ZNF483: variants seen among roughly 807,000 people sequenced by gnomAD.
The protein encoded by ZNF483 is zinc finger protein HIT-10.
ZNF483 carries 9 observed loss-of-function variants against 28.6 expected under a neutral mutation model. That is an observed-to-expected ratio of 0.32 (90% CI 0.19 to 0.55). The LOEUF (loss-of-function observed/expected upper bound fraction) is 0.55. Among genes scored for constraint, ZNF483 ranks in the 20% least tolerant of loss-of-function variants. The pLI is 0.93. For missense variants in ZNF483, 675 were observed against 871.7 expected (o/e 0.77, Z 2.84); for synonymous variants, 322 against 306.2 (o/e 1.05, Z -0.54).
chr9:111,560,592 G>A (rs1564607485), intron 5 of ZNF483, among the ~76,000 whole-genome samples: 1 of 122,614 alleles, frequency 8.2e-6, no homozygotes, highest in African/African-American at 3.2e-5. Flanking sequence ...AGTGAGCAGA[G>A]ATCATGCTAC....
At chr9:111,532,173 T>C (rs1434765593) in intron 3 of ZNF483, among the ~76,000 whole-genome samples, 1 of 152,006 alleles carries the variant, frequency 6.6e-6, no homozygotes, top group South Asian at 2.1e-4. Flanking sequence ...TAGCTGGGCA[T>C]AGTCACATAC....
Position 111,554,947 on chromosome 9 carries a change from C to T in ZNF483, c.*11777C>T, listed in dbSNP as rs1247838255. Among the ~76,000 whole-genome samples the T allele has an allele frequency of 1.3e-5, 2 of 152,068 alleles. No individual in the cohort carries two copies. Among genetic ancestry groups the T allele is most frequent in the Non-Finnish European group, 2.9e-5 (2 of 68,014 alleles). Reference sequence around the variant, plus strand: ...CCTTTGGGACCCTAAATGTCAGTGCCTGTTAATTTTTCTTTGAGAAGTGTA... The same window carrying T: ...CCTTTGGGACCCTAAATGTCAGTGCTTGTTAATTTTTCTTTGAGAAGTGTA... On this transcript the variant is annotated 3_prime_UTR_variant, in exon 6 of 6. Coordinates refer to ENST00000309235, the MANE Select transcript of ZNF483 (RefSeq NM_133464.5).
In ZNF483 at chr9:111,547,770, G is replaced by A. The variant is rs540637005; in HGVS notation, c.*4600G>A. On this transcript the variant is annotated 3_prime_UTR_variant, in exon 6 of 6. Coordinates refer to ENST00000309235, the MANE Select transcript of ZNF483 (RefSeq NM_133464.5). ...TATTCTAGGAGTTTTATAGTTTCAG[G>A]TCTTATGTTTAAGTCTTTTAACCAT... 2.8e-4 allele frequency among the ~76,000 whole-genome samples: 42 copies of A among 152,146 alleles called. No homozygotes were observed. Among genetic ancestry groups the A allele is most frequent in the African/African-American group, 9.9e-4 (41 of 41,516 alleles).
At position 111,552,369 on chromosome 9, in the gene ZNF483, G is replaced by A. The variant is rs887478250; in HGVS notation, c.*9199G>A. On this transcript the variant is annotated 3_prime_UTR_variant, in exon 6 of 6. Transcript: ENST00000309235. ...CTGAAGAATTATAACACATGTATCC[G>A]TGACTCGTTTCTTGGAGTCTGCTTC... Among the ~76,000 whole-genome samples, 5 of 151,904 alleles carry A rather than the reference G, an allele frequency of 3.3e-5. No individual in the cohort carries two copies. The highest frequency in any genetic ancestry group is 1.9e-4 in the East Asian group (1 of 5,196).
rs141551119 is a variant in ZNF483, at chr9:111,529,094, G to A, written c.412+1287G>A. 2.3e-3 allele frequency among the ~76,000 whole-genome samples: 339 copies of A among 150,616 alleles called. 2 individuals are homozygous for A. The highest frequency in any genetic ancestry group is 8.1e-3 in the African/African-American group (333 of 41,010). ...GGGAGGTGGAGTGAGCCAAGATCAC[G>A]CCATTGCACCCCAGCCTGGGCAATA... On this transcript the variant is annotated intron_variant, in intron 2 of 5. Transcript: ENST00000309235.
intron 2 of ZNF483, among the ~76,000 whole-genome samples, chr9:111,528,779 CCT>C (rs943946538): frequency 4.7e-4 from 71 of 152,272 alleles, no homozygotes; most frequent in African/African-American, 1.6e-3. Context: ...TTTCCTGACT[CCT>C]CTGTGATTTG....
intron 1 of ZNF483, among the ~76,000 whole-genome samples, chr9:111,526,183 G>A (rs572890661): frequency 1.3e-5 from 2 of 152,190 alleles, no homozygotes; most frequent in Non-Finnish European, 2.9e-5. Context: ...CTTTAAAGAC[G>A]AATAAAAGTT....
chr9:111,552,234 G>C lies in ZNF483; in HGVS notation c.*9064G>C, dbSNP rs1827987152. Among the ~76,000 whole-genome samples, 1 of 152,068 alleles carries C rather than the reference G, an allele frequency of 6.6e-6. No individual in the cohort carries two copies. Among genetic ancestry groups the C allele is most frequent in the Admixed American group, 6.5e-5 (1 of 15,270 alleles). On this transcript the variant is annotated 3_prime_UTR_variant, in exon 6 of 6. Transcript: ENST00000309235. ...CAGGAAATCCTTATAAAATTCTTTT[G>C]TAAGTCATCCAGGTAACATTGGTAA...
Position 111,527,621 on chromosome 9 carries a change from C to T in ZNF483, c.226C>T (p.Leu76Phe). 1.9e-6 allele frequency: 3 copies of T among 1,614,160 alleles called. No individual in the cohort carries two copies. Among genetic ancestry groups the T allele is most frequent in the Non-Finnish European group, 2.5e-6 (3 of 1,180,044 alleles). Reference protein sequence around the residue: ...PRKALSQLWELCNQWLRPDIH... With the variant: ...PRKALSQLWEFCNQWLRPDIH... ...GAAAGCTCTGAGTCAACTCTGGGAGCTCTGCAATCAGTGGCTGAGACCAGA... is the reference window on the plus strand; with the variant it reads ...GAAAGCTCTGAGTCAACTCTGGGAGTTCTGCAATCAGTGGCTGAGACCAGA... Residue 76 changes from leucine (L) to phenylalanine (F), a missense_variant, in exon 2 of 6, where the codon CTC becomes TTC. Leu to Phe is a conservative substitution (Grantham distance 22). Around this residue, in one of 6 missense-constraint regions of ZNF483, gnomAD observed 525 missense variants for 581.8 expected, o/e 0.90. Coordinates refer to ENST00000309235, the MANE Select transcript of ZNF483 (RefSeq NM_133464.5).
chr9:111,551,727 C>T lies in ZNF483; in HGVS notation c.*8557C>T, dbSNP rs1181070721. On this transcript the variant is annotated 3_prime_UTR_variant, in exon 6 of 6. Transcript: ENST00000309235. ...CCAATTTTTGTTTAAAATTTGCATC[C>T]ACATTAACAAAACTTTTATTAGAAA... Among the ~76,000 whole-genome samples the T allele has an allele frequency of 2.0e-5, 3 of 152,232 alleles. No homozygotes were observed. The highest frequency in any genetic ancestry group is 1.5e-5 in the Non-Finnish European group (1 of 68,004).
intron 5 of ZNF483, chr9:111,570,226 A>G (rs1200797797): frequency 6.2e-7 from 1 of 1,608,276 alleles, no homozygotes; most frequent in Admixed American, 1.7e-5. Flanking sequence ...AGAGAAGGGC[A>G]CATTTGGGTG....
chr9:111,528,011 A>T, intron 2 of ZNF483: 1 of 1,462,962 alleles, frequency 6.8e-7, no homozygotes, highest in Non-Finnish European at 9.0e-7. Flanking sequence ...TCTGTTAAAA[A>T]GGGATTTTAT....
chr9:111,528,791 G>A (rs1048158795), intron 2 of ZNF483, among the ~76,000 whole-genome samples: 2 of 152,064 alleles, frequency 1.3e-5, no homozygotes, highest in Non-Finnish European at 2.9e-5. Context: ...TCTGTGATTT[G>A]TCACTGCAGT....
At chr9:111,525,569 C>T (rs879508952) in intron 1 of ZNF483, among the ~76,000 whole-genome samples, 1 of 152,150 alleles carries the variant, frequency 6.6e-6, no homozygotes, top group Non-Finnish European at 1.5e-5. Flanking sequence ...ACTGGTTCTG[C>T]CCGTTAGATA....
rs1367205842 is a variant in ZNF483 at position 111,550,801 on chromosome 9, T to C, written c.*7631T>C. ...GCATTATCTGATTCTTTCTTCCTTTTTTCTAATTGGTTTTGTTTCATAGGT... is the reference window on the plus strand; with the variant it reads ...GCATTATCTGATTCTTTCTTCCTTTCTTCTAATTGGTTTTGTTTCATAGGT... On this transcript the variant is annotated 3_prime_UTR_variant, in exon 6 of 6. Transcript: ENST00000309235. Among the ~76,000 whole-genome samples the C allele has an allele frequency of 1.3e-5, 2 of 152,232 alleles. No homozygotes were observed. Among genetic ancestry groups the C allele is most frequent in the Non-Finnish European group, 2.9e-5 (2 of 68,028 alleles).
chr9:111,569,413 TC>T (rs1828711195), intron 5 of ZNF483, among the ~76,000 whole-genome samples: 1 of 152,142 alleles, frequency 6.6e-6, no homozygotes. Context: ...ATGAAATATT[TC>T]CCATAGCCAA....
rs1160517825 is a variant in ZNF483, at chr9:111,553,697, G to A, written c.*10527G>A. Among the ~76,000 whole-genome samples the A allele has an allele frequency of 2.6e-5, 4 of 152,214 alleles. No homozygotes were observed. The highest frequency in any genetic ancestry group is 4.8e-5 in the African/African-American group (2 of 41,456). On this transcript the variant is annotated 3_prime_UTR_variant, in exon 6 of 6. Transcript: ENST00000309235. The stretch of plus-strand genomic sequence containing the variant: ...AATGCAGTGGTTAAAGTGAATTGTA[G>A]TTCTATCAAAATAAAGATACGTTTA...
At chr9:111,572,197 A>G (rs1427118965) in intron 5 of ZNF483, among the ~76,000 whole-genome samples, 1 of 152,240 alleles carries the variant, frequency 6.6e-6, no homozygotes, top group Non-Finnish European at 1.5e-5. Flanking sequence ...TCCTGAACCA[A>G]AAGAAACTAA....
At chr9:111,569,775 T>G (rs1011747361) in intron 5 of ZNF483, 3 of 339,192 alleles carry the variant, frequency 8.8e-6, no homozygotes, top group Non-Finnish European at 1.7e-5. Flanking sequence ...GCCTCATATG[T>G]GGGTTTAAGG....
Sources: gnomAD v4.1 joint callset for allele counts (sites outside exome capture counted in the v4.1 genomes callset) on GRCh38, gnomAD v4.1.1 for gene constraint, gnomAD v4.1.1 regional missense constraint, MANE v1.5 for transcripts, NCBI Gene and HGNC (gene_info 2026-07-23, HGNC 2026-07-21) for gene names.